The following KIAA0586 variants were observed in gnomAD, a reference collection of about 807,000 sequenced individuals.
KIAA0586 encodes protein TALPID3.
In KIAA0586, 144 loss-of-function variants were observed where a neutral mutation model predicts 169.8. That is an observed-to-expected ratio of 0.85 (90% CI 0.74 to 0.97). The LOEUF (loss-of-function observed/expected upper bound fraction) is 0.97, where lower values mean the gene tolerates loss of function less well. Ranked by LOEUF, KIAA0586 falls within the 50% of genes least tolerant of loss-of-function variation. KIAA0586 has a pLI of 0.00. For missense variants in KIAA0586, 1,854 were observed against 1,823.0 expected (o/e 1.02, Z -0.31); for synonymous variants, 625 against 612.4 (o/e 1.02, Z -0.30).
chr14:58,537,708 C>CACT (rs2046383585), intron 29 of KIAA0586, among the ~76,000 whole-genome samples: 1 of 151,836 alleles, frequency 6.6e-6, no homozygotes, highest in Non-Finnish European at 1.5e-5. Context: ...AGTGCAGTGG[C>CACT]GTGATCTTGG....
At chr14:58,552,199 A>G (rs940244688), downstream of KIAA0586, among the ~76,000 whole-genome samples, 5 of 152,146 alleles carry the variant, frequency 3.3e-5, no homozygotes, top group East Asian at 1.9e-4. Context: ...AGAAAAGCCA[A>G]TTTTCTAATG....
intron 4 of KIAA0586, among the ~76,000 whole-genome samples, chr14:58,434,505 CT>C (rs1188346787): frequency 2.0e-5 from 3 of 152,296 alleles, no homozygotes. Flanking sequence ...AAGAATGCCC[CT>C]CATGTCATTT....
At chr14:58,560,741 A>C in the KIAA0586 span, among the ~76,000 whole-genome samples, 1 of 152,182 alleles carries the variant, frequency 6.6e-6, no homozygotes, top group Non-Finnish European at 1.5e-5. Context: ...ATGATACCTG[A>C]AAAATAACAC....
intron 27 of KIAA0586, among the ~76,000 whole-genome samples, chr14:58,504,654 G>A (rs1184548837): frequency 1.3e-5 from 2 of 152,064 alleles, no homozygotes; most frequent in African/African-American, 4.8e-5. Flanking sequence ...AATTAAATTT[G>A]ACTTGAATGA....
chr14:58,502,757 A>C (rs2043663027), intron 27 of KIAA0586, among the ~76,000 whole-genome samples: 1 of 152,232 alleles, frequency 6.6e-6, no homozygotes, highest in South Asian at 2.1e-4. Context: ...AACTATCAAC[A>C]GTTGACTAAA....
chr14:58,545,007 A>C (rs2046892332), intron 30 of KIAA0586, among the ~76,000 whole-genome samples: 1 of 152,160 alleles, frequency 6.6e-6, no homozygotes, highest in African/African-American at 2.4e-5. Flanking sequence ...AAGTATTCCT[A>C]TACATGTTTA....
At position 58,472,241 on chromosome 14, in the gene KIAA0586, C is replaced by A. The variant is rs1220560392; in HGVS notation, c.2596C>A (p.Pro866Thr). ...MKVDEEEVKF[P>T]GTNFDEIIDV... ...GGTAGATGAAGAAGAGGTGAAGTTT[C>A]CAGGAACTAACTTTGATGAAATAAT... The change falls in exon 18 of 31, where the codon CCA becomes ACA. Residue 866 changes from proline (P) to threonine (T), a missense_variant. Pro to Thr is a conservative substitution (Grantham distance 38). Transcript: ENST00000652326. 1.3e-6 allele frequency: 2 copies of A among 1,585,376 alleles called. No homozygotes were observed. The highest frequency in any genetic ancestry group is 2.7e-5 in the African/African-American group (2 of 73,560).
intron 6 of KIAA0586, among the ~76,000 whole-genome samples, chr14:58,447,153 C>T (rs988285599): frequency 1.1e-4 from 16 of 152,120 alleles, no homozygotes; most frequent in African/African-American, 3.6e-4. Context: ...ATTAGTTGTT[C>T]AGTAAATGCT....
chr14:58,547,688 C>G, intron 30 of KIAA0586, 93 bp from the exon 31 acceptor site: 1 of 1,036,992 alleles, frequency 9.6e-7, no homozygotes, highest in Non-Finnish European at 1.4e-6. Flanking sequence ...ATCCGCGCCC[C>G]CCCACCCCAA....
chr14:58,469,793 CTAAA>C (rs918507023), intron 16 of KIAA0586, among the ~76,000 whole-genome samples: 23 of 152,216 alleles, frequency 1.5e-4, no homozygotes, highest in African/African-American at 5.1e-4. Context: ...AGCAAGCAAA[CTAAA>C]TAAGTTTTGC....
rs200094677 is a variant in KIAA0586, at chr14:58,450,697, G to A, written c.1080G>A (p.Arg360=). The change falls in exon 8 of 31, where the codon AGG becomes AGA. Residue 360 remains arginine (R), a synonymous_variant. Coordinates refer to ENST00000652326, the MANE Select transcript of KIAA0586 (RefSeq NM_001329943.3). ...CAAGGGATGATGAACTATCAAAGAG[G>A]GAAAATCTTTTGGAAGAAAAAGAAA... is the stretch of plus-strand genomic sequence containing the variant. ...PVSRDDELSK[R]ENLLEEKENM... The A allele has an allele frequency of 1.2e-6, 2 of 1,609,130 alleles. No individual in the cohort carries two copies. The highest frequency in any genetic ancestry group is 1.7e-5 in the Admixed American group (1 of 59,956).
rs17094637 is a variant in KIAA0586, at chr14:58,498,997, T to C, written c.4168+37T>C. ...AATATTTTTTCTTGATGTGTCATAG[T>C]AGTATCCCTAATCTGAGTTGAGGAA... On this transcript the variant is annotated intron_variant, in intron 27 of 30. Coordinates refer to ENST00000652326, the MANE Select transcript of KIAA0586 (RefSeq NM_001329943.3). 14,175 of 1,518,772 alleles carry C rather than the reference T, an allele frequency of 9.3e-3. 882 individuals are homozygous for C. In the African/African-American group the frequency reaches 0.15, roughly 17 times the overall value. 94.1% of individuals were successfully genotyped at this position (1,518,772 alleles called of 1,614,324 possible).
At chr14:58,454,236 T>C (rs1352588278) in intron 9 of KIAA0586, among the ~76,000 whole-genome samples, 2 of 152,226 alleles carry the variant, frequency 1.3e-5, no homozygotes, top group Non-Finnish European at 2.9e-5. Context: ...AATTAACATA[T>C]TAATTTAAAG....
chr14:58,522,855 T>G (rs2045321175), intron 29 of KIAA0586, among the ~76,000 whole-genome samples: 1 of 152,184 alleles, frequency 6.6e-6, no homozygotes, highest in Admixed American at 6.5e-5. Context: ...TGTTTTTATG[T>G]ATATACATTT....
At chr14:58,431,702 G>T (rs907125853) in intron 3 of KIAA0586, among the ~76,000 whole-genome samples, 2 of 152,168 alleles carry the variant, frequency 1.3e-5, no homozygotes, top group Admixed American at 6.5e-5. Flanking sequence ...TAATTCATGA[G>T]CATGGAATGT....
intron 14 of KIAA0586, among the ~76,000 whole-genome samples, chr14:58,463,248 T>C (rs2040480176): frequency 2.0e-5 from 3 of 152,240 alleles, no homozygotes; most frequent in Non-Finnish European, 4.4e-5. Context: ...CTCTGCCATA[T>C]TGTTCTTCAT....
Position 58,457,977 on chromosome 14 carries a change from C to G in KIAA0586, c.1581C>G (p.Asn527Lys), listed in dbSNP as rs1412826613. 3 of 1,575,836 alleles carry G rather than the reference C, an allele frequency of 1.9e-6. No homozygotes were observed. Among genetic ancestry groups the G allele is most frequent in the Non-Finnish European group, 2.6e-6 (3 of 1,157,452 alleles). The stretch of plus-strand genomic sequence containing the variant: ...CGCTTATCAATGCTTTATCTACCAA[C>G]AGGTAAGAGGATGTTGGCATCCAGG... ...MYSLINALST[N>K]REMSEKIRIR... The change falls in exon 11 of 31, where the codon AAC (asparagine) becomes AAG (lysine). Residue 527 changes from asparagine (N) to lysine (K), a missense_variant and splice_region_variant. Physicochemically the swap from Asn to Lys is moderately conservative, Grantham distance 94. Transcript: ENST00000652326.
At chr14:58,451,990 A>G (rs1000011149) in intron 8 of KIAA0586, among the ~76,000 whole-genome samples, 1 of 152,262 alleles carries the variant, frequency 6.6e-6, no homozygotes, top group East Asian at 1.9e-4. Context: ...GCCATATATG[A>G]ACTTTTTAAC....
intron 29 of KIAA0586, among the ~76,000 whole-genome samples, chr14:58,513,793 T>A (rs2044561436): frequency 6.6e-6 from 1 of 152,064 alleles, no homozygotes; most frequent in African/African-American, 2.4e-5. Context: ...GTTTCTTTAA[T>A]GTTTTTAAAA....
Sources: gnomAD v4.1 joint callset for allele counts (sites outside exome capture counted in the v4.1 genomes callset) on GRCh38, gnomAD v4.1.1 for gene constraint, MANE v1.5 for transcripts, NCBI Gene and HGNC (gene_info 2026-07-23, HGNC 2026-07-21) for gene names.